LDAH: variants seen among roughly 807,000 people sequenced by gnomAD.
The protein encoded by LDAH is lipid droplet associated hydrolase.
In LDAH, 26 loss-of-function variants were observed where a neutral mutation model predicts 29.6. The ratio of observed to expected loss-of-function variants is 0.88; its 90% CI spans 0.64 to 1.22. LDAH has a LOEUF of 1.22. LDAH is among the 50% of genes most tolerant of loss of function. LDAH has a pLI of 0.00. For missense variants in LDAH, 344 were observed against 387.3 expected, an observed-to-expected ratio of 0.89 and a Z score of 0.94; for synonymous variants, 117 against 133.0, an observed-to-expected ratio of 0.88 and a Z score of 0.83.
chr2:20,812,855 T>C (rs931953384), intron 1 of LDAH, among the ~76,000 whole-genome samples: 2 of 152,174 alleles, frequency 1.3e-5, no homozygotes, highest in Non-Finnish European at 2.9e-5. Context: ...GTAAGCCAGG[T>C]ACTGTGCTAA....
chr2:20,813,674 T>C (rs551635836), intron 1 of LDAH, among the ~76,000 whole-genome samples: 4 of 152,234 alleles, frequency 2.6e-5, no homozygotes, highest in Admixed American at 6.5e-5. Context: ...AAAAAAAGAA[T>C]GTAATTCTTT....
chr2:20,790,179 C>G, intron 3 of LDAH, 76 bp downstream of exon 3: 1 of 1,520,184 alleles, frequency 6.6e-7, no homozygotes, highest in Non-Finnish European at 9.0e-7. Flanking sequence ...TGGTGTAACT[C>G]TTAACCTTAG....
At chr2:20,755,336 C>T (rs1211211484) in intron 4 of LDAH, among the ~76,000 whole-genome samples, 1 of 152,158 alleles carries the variant, frequency 6.6e-6, no homozygotes, top group Non-Finnish European at 1.5e-5. Context: ...TGCCCTCTAT[C>T]CCCCAGCCAT....
chr2:20,700,803 A>C (rs1309070773), intron 6 of LDAH, among the ~76,000 whole-genome samples: 1 of 152,242 alleles, frequency 6.6e-6, no homozygotes, highest in Non-Finnish European at 1.5e-5. Context: ...AATCAATATA[A>C]AAATTAATGA....
chr2:20,690,333 T>C (rs1168389304), intron 6 of LDAH, among the ~76,000 whole-genome samples: 4 of 152,238 alleles, frequency 2.6e-5, no homozygotes, highest in African/African-American at 7.2e-5. Context: ...GTGAGGAGTC[T>C]AGACCTCCCG....
At chr2:20,696,807 G>C (rs770084694) in intron 6 of LDAH, among the ~76,000 whole-genome samples, 7 of 152,252 alleles carry the variant, frequency 4.6e-5, no homozygotes, top group Non-Finnish European at 7.4e-5. Flanking sequence ...AACTGGGATT[G>C]GGGTGGCGAA....
chr2:20,711,811 C>T (rs1346910181), intron 5 of LDAH, among the ~76,000 whole-genome samples: 2 of 152,246 alleles, frequency 1.3e-5, no homozygotes, highest in Non-Finnish European at 2.9e-5. Context: ...GATTGACCTG[C>T]AAGGCAGCAG....
At chr2:20,743,311 C>CTTTTTTTTTTTTTTTTTT (rs56001378) in intron 4 of LDAH, among the ~76,000 whole-genome samples, 1 of 136,052 alleles carries the variant, frequency 7.4e-6, no homozygotes, top group Non-Finnish European at 1.5e-5. Flanking sequence ...TCCAAGTCCA[C>CTTTTTTTTTTTTTTTTTT]TTTTTTTTTT....
chr2:20,689,703 T>C (rs541545400), intron 6 of LDAH, among the ~76,000 whole-genome samples: 1 of 152,326 alleles, frequency 6.6e-6, no homozygotes, highest in East Asian at 1.9e-4. Context: ...ATTCAGGGAA[T>C]AGGATAGGGA....
At chr2:20,764,545 C>T (rs1448787666) in intron 4 of LDAH, among the ~76,000 whole-genome samples, 1 of 152,218 alleles carries the variant, frequency 6.6e-6, no homozygotes, top group East Asian at 1.9e-4. Context: ...CTCTTTATCT[C>T]CTATGCTCCA....
At chr2:20,742,492 T>C (rs1667249908) in intron 4 of LDAH, among the ~76,000 whole-genome samples, 1 of 152,248 alleles carries the variant, frequency 6.6e-6, no homozygotes, top group Non-Finnish European at 1.5e-5. Flanking sequence ...GCTAGGCACA[T>C]GCATGTAAAG....
At chr2:20,805,077 G>A (rs1033740631) in intron 1 of LDAH, among the ~76,000 whole-genome samples, 2 of 152,122 alleles carry the variant, frequency 1.3e-5, no homozygotes, top group Non-Finnish European at 2.9e-5. Context: ...TTCACCAGAA[G>A]AGAATTTAAA....
chr2:20,692,075 T>C (rs1233654798), intron 6 of LDAH, among the ~76,000 whole-genome samples: 4 of 152,174 alleles, frequency 2.6e-5, no homozygotes, highest in African/African-American at 4.8e-5. Context: ...AGCTGATAGA[T>C]TAAAATGAGT....
chr2:20,797,848 C>T (rs1048498861), intron 2 of LDAH, among the ~76,000 whole-genome samples: 1 of 151,780 alleles, frequency 6.6e-6, no homozygotes, highest in African/African-American at 2.4e-5. Context: ...AAAAACAAAG[C>T]GCTATTAGAA....
intron 3 of LDAH, among the ~76,000 whole-genome samples, chr2:20,777,703 C>T (rs982652734): frequency 1.2e-4 from 19 of 152,122 alleles, no homozygotes; most frequent in Non-Finnish European, 2.5e-4. Context: ...AACCACCATT[C>T]CCAGCCTATC....
At chr2:20,716,741 T>TATATATATATATATATATATATATAC (rs1665232717) in intron 5 of LDAH, among the ~76,000 whole-genome samples, 1 of 149,488 alleles carries the variant, frequency 6.7e-6, no homozygotes, top group Non-Finnish European at 1.5e-5. Context: ...TATATATATA[T>TATATATATATATATATATATATATAC]ATATGAGTAG....
intron 2 of LDAH, among the ~76,000 whole-genome samples, chr2:20,793,878 T>C (rs1057193976): frequency 1.3e-5 from 2 of 152,164 alleles, no homozygotes; most frequent in African/African-American, 4.8e-5. Flanking sequence ...TTAAAAATCT[T>C]CCCACAAAGA....
chr2:20,788,027 T>C (rs151276262), intron 3 of LDAH, among the ~76,000 whole-genome samples: 75 of 152,352 alleles, frequency 4.9e-4, no homozygotes, highest in African/African-American at 1.8e-3. Flanking sequence ...TAAACCATTA[T>C]GAAGTTTTAG....
chr2:20,707,907 C>T (rs1259084861), intron 5 of LDAH, among the ~76,000 whole-genome samples: 1 of 152,158 alleles, frequency 6.6e-6, no homozygotes, highest in Admixed American at 6.5e-5. Flanking sequence ...AGATCACTGG[C>T]AGCATTAGAT....
Sources: gnomAD v4.1 joint callset for allele counts (sites outside exome capture counted in the v4.1 genomes callset) on GRCh38, gnomAD v4.1.1 for gene constraint, MANE v1.5 for transcripts, NCBI Gene and HGNC (gene_info 2026-07-23, HGNC 2026-07-21) for gene names.